The following ZNF423 variants were observed in gnomAD, a reference collection of about 807,000 sequenced individuals.
The protein encoded by ZNF423 is zinc finger protein 423, also known as Ebf-associated zinc finger protein.
In ZNF423, 12 loss-of-function variants were observed where a neutral mutation model predicts 95.8. That is an observed-to-expected ratio of 0.13 (90% CI 0.08 to 0.20). The LOEUF (loss-of-function observed/expected upper bound fraction) is 0.20, where lower values mean the gene tolerates loss of function less well. ZNF423 is among the 10% of genes least tolerant of loss of function. The pLI, the probability that ZNF423 is intolerant of heterozygous loss-of-function variation, is 1.00. For missense variants in ZNF423, 1,316 were observed against 1,737.1 expected (o/e 0.76, Z 4.31); for synonymous variants, 749 against 711.9 (o/e 1.05, Z -0.83).
intron 3 of ZNF423, among the ~76,000 whole-genome samples, chr16:49,666,469 A>T (rs1354451130): frequency 2.0e-5 from 3 of 152,276 alleles, no homozygotes. Flanking sequence ...ACACGTAGTT[A>T]TAAGTGAACA....
At chr16:49,858,885 C>T (rs977924951), upstream of ZNF423, among the ~76,000 whole-genome samples, 1 of 152,112 alleles carries the variant, frequency 6.6e-6, no homozygotes, top group African/African-American at 2.4e-5. The surrounding 1 kb of genome is among the most constrained non-coding windows in gnomAD (Gnocchi z 4.3). Context: ...GATCGAGGCC[C>T]GCGGAGAGTG....
At chr16:49,710,722 G>A (rs1303449764) in intron 3 of ZNF423, among the ~76,000 whole-genome samples, 1 of 152,188 alleles carries the variant, frequency 6.6e-6, no homozygotes, top group Non-Finnish European at 1.5e-5. Flanking sequence ...GAACCCACCT[G>A]GGGAAGATTC....
rs56066766 is a variant in ZNF423, at chr16:49,644,658, CAAAAAAAA to C, written c.302-5792_302-5785del. Among the ~76,000 whole-genome samples the C allele has an allele frequency of 2.5e-3, 97 of 39,576 alleles. 2 individuals are homozygous for C. The highest frequency in any genetic ancestry group is 9.1e-3 in the African/African-American group (95 of 10,398). 26.0% of individuals were successfully genotyped at this position (39,576 alleles called of 152,430 possible). A position where few individuals can be genotyped will look rare whatever the true frequency, so the allele number is the denominator to read the frequency against. ...GGGTAACAAGAGTAAAACTCTGACT[CAAAAAAAA>C]AAAAAAAAAAAAAAAAAAAAAAAAA... On this transcript the variant is annotated intron_variant, in intron 3 of 7. Coordinates refer to ENST00000563137, the MANE Select transcript of ZNF423 (RefSeq NM_001379286.1).
chr16:49,615,835 T>C (rs555151191), intron 5 of ZNF423, among the ~76,000 whole-genome samples: 1 of 152,274 alleles, frequency 6.6e-6, no homozygotes, highest in East Asian at 1.9e-4. Flanking sequence ...TGCTGAGCAG[T>C]GGGTTCAAGT....
rs532762545 is a variant in ZNF423, at chr16:49,616,333, C to A, written c.3601+9837G>T. Among the ~76,000 whole-genome samples, 11 of 151,694 alleles carry A rather than the reference C, an allele frequency of 7.3e-5. No homozygotes were observed. The South Asian group carries it at 2.3e-3, about 32-fold the overall frequency. ...GGTCAGCAGATGCTAGGAAGGGTAG[C>A]AGGGAGGGAGGGGAAGTGGGGATGG... is the stretch of plus-strand genomic sequence containing the variant. On this transcript the variant is annotated intron_variant, in intron 5 of 7. Coordinates refer to ENST00000563137, the MANE Select transcript of ZNF423 (RefSeq NM_001379286.1).
chr16:49,854,188 C>T (rs1209192420), intron 1 of ZNF423: 1 of 985,268 alleles, frequency 1.0e-6, no homozygotes, highest in Non-Finnish European at 1.2e-6. Flanking sequence ...CCAGGCTGTC[C>T]CGGATTGGGA....
At chr16:49,576,194 G>T (rs2151795076) in intron 5 of ZNF423, among the ~76,000 whole-genome samples, 1 of 152,320 alleles carries the variant, frequency 6.6e-6, no homozygotes, top group South Asian at 2.1e-4. Context: ...ATTTCCTGCT[G>T]CCCGCATTGA....
chr16:49,537,492 A>G (rs147738922), intron 5 of ZNF423, among the ~76,000 whole-genome samples: 93 of 152,352 alleles, frequency 6.1e-4, no homozygotes, highest in Admixed American at 3.8e-3. Flanking sequence ...CAAACGCAAC[A>G]TGGAATAAAT....
intron 3 of ZNF423, among the ~76,000 whole-genome samples, chr16:49,668,912 G>A (rs1319861509): frequency 6.6e-6 from 1 of 152,200 alleles, no homozygotes; most frequent in African/African-American, 2.4e-5. Context: ...GATGGTGACA[G>A]TGCATGTCTC....
intron 3 of ZNF423, among the ~76,000 whole-genome samples, chr16:49,644,658 C>CAAAAAAAAAAAAA (rs56066766): frequency 1.0e-4 from 4 of 39,566 alleles, no homozygotes; most frequent in African/African-American, 9.6e-5. Flanking sequence ...AACTCTGACT[C>CAAAAAAAAAAAAA]AAAAAAAAAA....
chr16:49,595,847 T>C (rs1971163488), intron 5 of ZNF423, among the ~76,000 whole-genome samples: 3 of 152,258 alleles, frequency 2.0e-5, no homozygotes, highest in Admixed American at 2.0e-4. Context: ...TAAATAGTTA[T>C]TACATTACAA....
Position 49,572,659 on chromosome 16 carries a change from G to T in ZNF423, c.3602-47165C>A, listed in dbSNP as rs74937512. ...GATTGTGAGTAACGGCACGAGTTGG[G>T]AAAGGCTGCTTGTGGGGAGACCAGC... is the stretch of plus-strand genomic sequence containing the variant. On this transcript the variant is annotated intron_variant, in intron 5 of 7. Transcript: ENST00000563137. Among the ~76,000 whole-genome samples the T allele has an allele frequency of 7.6e-4, 115 of 152,298 alleles. No homozygotes were observed. In the East Asian group the frequency reaches 0.012, roughly 16 times the overall value.
At chr16:49,731,648 A>T (rs1017010993) in intron 2 of ZNF423, among the ~76,000 whole-genome samples, 6 of 146,978 alleles carry the variant, frequency 4.1e-5, no homozygotes, top group African/African-American at 1.5e-4. Flanking sequence ...CTCTATCTCT[A>T]CAAAAAAAAA....
chr16:49,542,489 G>A (rs775989199), intron 5 of ZNF423, among the ~76,000 whole-genome samples: 45 of 152,332 alleles, frequency 3.0e-4, no homozygotes, highest in Non-Finnish European at 5.0e-4. Context: ...ATCCACTCTC[G>A]TACCTCACAC....
chr16:49,579,448 T>C (rs1466920575), intron 5 of ZNF423, among the ~76,000 whole-genome samples: 2 of 152,092 alleles, frequency 1.3e-5, no homozygotes, highest in Non-Finnish European at 2.9e-5. Flanking sequence ...CCCTGAGGAC[T>C]GGGAAAATCA....
chr16:49,682,249 AACCCCAT>A (rs2031393580), intron 3 of ZNF423, among the ~76,000 whole-genome samples: 1 of 30,180 alleles, frequency 3.3e-5, no homozygotes, highest in Admixed American at 3.2e-4. Context: ...ATTTTCCCCC[AACCCCAT>A]TTTCCCCCCA....
intron 3 of ZNF423, among the ~76,000 whole-genome samples, chr16:49,707,379 C>T (rs2032387081): frequency 6.6e-6 from 1 of 152,040 alleles, no homozygotes; most frequent in Admixed American, 6.6e-5. Context: ...TTTGGGAGGC[C>T]AAGGCGGGTG....
At chr16:49,568,591 T>C (rs1320156406) in intron 5 of ZNF423, among the ~76,000 whole-genome samples, 1 of 152,128 alleles carries the variant, frequency 6.6e-6, no homozygotes, top group Non-Finnish European at 1.5e-5. Context: ...CCTCTGTCTG[T>C]CTCCCTTCCT....
intron 2 of ZNF423, among the ~76,000 whole-genome samples, chr16:49,736,725 T>C (rs947479033): frequency 1.5e-4 from 23 of 152,006 alleles, no homozygotes; most frequent in Non-Finnish European, 3.4e-4. Flanking sequence ...AGCCCAGGAG[T>C]TGGAGGCTGC....
Sources: allele counts gnomAD v4.1 joint callset (sites outside exome capture counted in the v4.1 genomes callset), GRCh38; gene constraint gnomAD v4.1.1; non-coding constraint Gnocchi (gnomAD v3.1); transcripts MANE v1.5; gene names NCBI Gene and HGNC (gene_info 2026-07-23, HGNC 2026-07-21).